SWT1: variants seen among roughly 807,000 people sequenced by gnomAD.
SWT1 encodes SWT1 RNA endoribonuclease homolog, also known as transcriptional protein SWT1.
SWT1 carries 33 observed loss-of-function variants against 107.3 expected under a neutral mutation model. The observed-to-expected ratio is 0.31, with a 90% CI of 0.23 to 0.41. The LOEUF is 0.41. Ranked by LOEUF, SWT1 falls within the 10% of genes least tolerant of loss-of-function variation. SWT1 has a pLI of 1.00. For synonymous variants in SWT1, 345 were observed against 348.3 expected (o/e 0.99, Z 0.11); for missense variants, 898 against 1,028.9 (o/e 0.87, Z 1.74).
At chr1:185,286,418 G>A (rs535050408) in intron 18 of SWT1, among the ~76,000 whole-genome samples, 1 of 152,026 alleles carries the variant, frequency 6.6e-6, no homozygotes, top group Admixed American at 6.5e-5. Flanking sequence ...TAGAGACGGG[G>A]TTTCACCATG....
chr1:185,282,486 C>T (rs945046981), intron 18 of SWT1, among the ~76,000 whole-genome samples: 1 of 151,658 alleles, frequency 6.6e-6, no homozygotes, highest in Admixed American at 6.6e-5. Flanking sequence ...GCTCCAGCCC[C>T]TTCCAACATA....
intron 17 of SWT1, among the ~76,000 whole-genome samples, chr1:185,276,199 A>G (rs1295491543): frequency 1.3e-5 from 2 of 152,188 alleles, no homozygotes; most frequent in African/African-American, 2.4e-5. Flanking sequence ...ATAGATATTT[A>G]TTAACTTAAA....
intron 5 of SWT1, among the ~76,000 whole-genome samples, chr1:185,177,237 C>T (rs933194133): frequency 2.0e-4 from 30 of 152,164 alleles, no homozygotes; most frequent in African/African-American, 7.0e-4. Flanking sequence ...AAGAAAGGAA[C>T]TTGAAGTTGC....
intron 18 of SWT1, among the ~76,000 whole-genome samples, chr1:185,286,508 G>A (rs1408578359): frequency 1.3e-5 from 2 of 152,152 alleles, no homozygotes; most frequent in Non-Finnish European, 2.9e-5. Context: ...ACAGGCATGA[G>A]CCACCGCATA....
intron 13 of SWT1, among the ~76,000 whole-genome samples, chr1:185,212,027 A>G (rs1658856492): frequency 6.7e-6 from 1 of 149,306 alleles, no homozygotes; most frequent in Non-Finnish European, 1.5e-5. Flanking sequence ...GGACACAGGA[A>G]GGGGAACATC....
At chr1:185,223,141 G>A (rs969310703) in intron 15 of SWT1, among the ~76,000 whole-genome samples, 12 of 152,072 alleles carry the variant, frequency 7.9e-5, no homozygotes, top group African/African-American at 2.9e-4. Context: ...TTTACATAAT[G>A]GCACCACTAA....
At chr1:185,254,648 T>C (rs1662332615) in intron 16 of SWT1, among the ~76,000 whole-genome samples, 1 of 152,012 alleles carries the variant, frequency 6.6e-6, no homozygotes, top group South Asian at 2.1e-4. Flanking sequence ...TTTTTTATTG[T>C]GTCTATTTGA....
chr1:185,222,223 C>A (rs1659710399), intron 15 of SWT1, among the ~76,000 whole-genome samples, 187 bp downstream of exon 15: 1 of 151,548 alleles, frequency 6.6e-6, no homozygotes, highest in Non-Finnish European at 1.5e-5. Context: ...AAAAAAAAAG[C>A]TTTTTTCACT....
chr1:185,268,407 A>C (rs1458470507), intron 16 of SWT1, among the ~76,000 whole-genome samples: 2 of 152,238 alleles, frequency 1.3e-5, no homozygotes, highest in Non-Finnish European at 2.9e-5. Flanking sequence ...AGAGATGGCC[A>C]GACGGACAAG....
chr1:185,271,333 C>T lies in SWT1; in HGVS notation c.2452C>T (p.Pro818Ser). 3.9e-6 allele frequency: 6 copies of T among 1,519,304 alleles called. No individual in the cohort carries two copies. Among genetic ancestry groups the T allele is most frequent in the Non-Finnish European group, 5.5e-6 (6 of 1,095,438 alleles). 94.1% of individuals were successfully genotyped at this position (1,519,304 alleles called of 1,614,324 possible). Reference sequence around the variant, plus strand: ...TATTTTATTTTTTAGGATTTTGGCCCCAAACAGTAATTATCAAGATGTTGA... The same window carrying T: ...TATTTTATTTTTTAGGATTTTGGCCTCAAACAGTAATTATCAAGATGTTGA... Reference protein sequence around the residue: ...ILEGIQRILAPNSNYQDVETL... With the variant: ...ILEGIQRILASNSNYQDVETL... Residue 818 changes from proline (P) to serine (S), a missense_variant, in exon 17 of 19, where the codon CCA becomes TCA. By Grantham distance (74) the Pro-to-Ser change is moderately conservative. Around this residue, in one of 6 missense-constraint regions of SWT1, gnomAD observed 382 missense variants for 460.0 expected, o/e 0.83. Coordinates refer to ENST00000367500, the MANE Select transcript of SWT1 (RefSeq NM_017673.7).
rs745581578 is a variant in SWT1 at position 185,175,048 on chromosome 1, A to C, written c.901A>C (p.Lys301Gln). 5 of 1,597,816 alleles carry C rather than the reference A, an allele frequency of 3.1e-6. No homozygotes were observed. In the South Asian group the frequency reaches 5.7e-5, roughly 18 times the overall value. Residue 301 changes from lysine (K) to glutamine (Q), a missense_variant, in exon 5 of 19, where the codon AAA (lysine) becomes CAA (glutamine). By Grantham distance (53) the Lys-to-Gln change is moderately conservative (BLOSUM62 1). Around this residue, in one of 6 missense-constraint regions of SWT1, gnomAD observed 382 missense variants for 362.4 expected, o/e 1.05. Coordinates refer to ENST00000367500, the MANE Select transcript of SWT1 (RefSeq NM_017673.7). ...ATATAAGCGGACTGTTCATGAGTGGAAACGAAAACATCATTATGACCATCA... is the reference window on the plus strand; with the variant it reads ...ATATAAGCGGACTGTTCATGAGTGGCAACGAAAACATCATTATGACCATCA... ...FTYKRTVHEWKRKHHYDHQES... is the reference protein window; with the variant it reads ...FTYKRTVHEWQRKHHYDHQES...
At chr1:185,169,733 C>A (rs1386111608) in intron 4 of SWT1, among the ~76,000 whole-genome samples, 1 of 151,566 alleles carries the variant, frequency 6.6e-6, no homozygotes, top group Admixed American at 6.6e-5. Flanking sequence ...TCTCTACACA[C>A]ACAATTTTTT....
chr1:185,207,512 T>C (rs1189793785), intron 13 of SWT1, among the ~76,000 whole-genome samples: 1 of 152,214 alleles, frequency 6.6e-6, no homozygotes, highest in Non-Finnish European at 1.5e-5. Flanking sequence ...GAAAAACTGA[T>C]CTAATGTTAT....
At chr1:185,275,459 C>T (rs1241507973) in intron 17 of SWT1, among the ~76,000 whole-genome samples, 5 of 148,150 alleles carry the variant, frequency 3.4e-5, no homozygotes. Flanking sequence ...TTAAATAATA[C>T]TAAATATATA....
intron 14 of SWT1, among the ~76,000 whole-genome samples, chr1:185,217,847 T>G (rs1055247933): frequency 2.0e-5 from 3 of 152,106 alleles, no homozygotes; most frequent in Non-Finnish European, 4.4e-5. Context: ...CCACCCACCT[T>G]GGCCTCCCAA....
At chr1:185,203,326 T>A (rs1428964409) in intron 11 of SWT1, among the ~76,000 whole-genome samples, 2 of 152,178 alleles carry the variant, frequency 1.3e-5, no homozygotes, top group Non-Finnish European at 2.9e-5. Flanking sequence ...TTTAAACTAA[T>A]AATCAAGAAG....
intron 4 of SWT1, among the ~76,000 whole-genome samples, chr1:185,169,073 C>T (rs1654826277): frequency 6.6e-6 from 1 of 152,132 alleles, no homozygotes; most frequent in African/African-American, 2.4e-5. Flanking sequence ...AGCTCTGCTT[C>T]CCAAACAATC....
intron 10 of SWT1, among the ~76,000 whole-genome samples, chr1:185,194,476 T>G (rs1479442997): frequency 6.6e-6 from 1 of 152,196 alleles, no homozygotes; most frequent in Non-Finnish European, 1.5e-5. Context: ...TATACATCTT[T>G]ACTTATTAAA....
chr1:185,171,564 A>G, intron 4 of SWT1: 1 of 438,250 alleles, frequency 2.3e-6, no homozygotes, highest in Non-Finnish European at 4.4e-6. Context: ...TTTTCTGCTC[A>G]CTTTGATCCT....
Sources: allele counts gnomAD v4.1 joint callset (sites outside exome capture counted in the v4.1 genomes callset), GRCh38; gene constraint gnomAD v4.1.1; regional missense constraint gnomAD v4.1.1; transcripts MANE v1.5; gene names NCBI Gene and HGNC (gene_info 2026-07-23, HGNC 2026-07-21).